DPH6: variants seen among roughly 807,000 people sequenced by gnomAD.
DPH6 encodes diphthine--ammonia ligase.
In DPH6, 33 loss-of-function variants were observed where a neutral mutation model predicts 38.2. The observed-to-expected ratio is 0.86, with a 90% CI of 0.65 to 1.15. The LOEUF (loss-of-function observed/expected upper bound fraction) is 1.15. Among genes scored for constraint, DPH6 ranks in the 50% most tolerant of loss-of-function variants. The pLI is 0.00. For missense variants in DPH6, 325 were observed against 320.0 expected, an observed-to-expected ratio of 1.02 and a Z score of -0.12; for synonymous variants, 108 against 103.0, an observed-to-expected ratio of 1.05 and a Z score of -0.30.
chr15:35,340,841 G>A (rs1233847381), intron 3 of DPH6, among the ~76,000 whole-genome samples: 1 of 152,062 alleles, frequency 6.6e-6, no homozygotes, highest in African/African-American at 2.4e-5. Context: ...TCAAGAATCT[G>A]ATGATTATGT....
intron 6 of DPH6, among the ~76,000 whole-genome samples, chr15:35,407,181 G>C (rs1344104897): frequency 6.6e-6 from 1 of 151,976 alleles, no homozygotes; most frequent in African/African-American, 2.4e-5. Flanking sequence ...GAATTACCTC[G>C]TGCTTGTTTA....
the DPH6 span, among the ~76,000 whole-genome samples, chr15:35,156,247 C>G: frequency 6.6e-6 from 1 of 152,038 alleles, no homozygotes; most frequent in South Asian, 2.1e-4. Flanking sequence ...GAAAGCAGAA[C>G]ATATGAATGA....
At position 35,318,859 on chromosome 15, in the gene DPH6, G is replaced by A. The variant is rs750091401; in HGVS notation, n.200+54662C>T. On this transcript the variant is annotated intron_variant and non_coding_transcript_variant, in intron 3 of 3. Transcript: ENST00000560386. The stretch of plus-strand genomic sequence containing the variant: ...AAATCATATATAAATATATTTTATG[G>A]GATTTTTACATAGGATTGTAATCAA... 4.9e-4 allele frequency among the ~76,000 whole-genome samples: 75 copies of A among 151,982 alleles called. 1 individual carries two copies. The highest frequency in any genetic ancestry group is 9.3e-4 in the Non-Finnish European group (63 of 67,940).
intron 3 of DPH6, among the ~76,000 whole-genome samples, chr15:35,276,703 C>T (rs1680043399): frequency 1.3e-5 from 2 of 151,492 alleles, no homozygotes; most frequent in African/African-American, 4.9e-5. Context: ...CTTTTCCCCA[C>T]TTTATGTTTC....
chr15:35,272,250 A>G (rs2051826838), intron 3 of DPH6, among the ~76,000 whole-genome samples: 1 of 152,220 alleles, frequency 6.6e-6, no homozygotes, highest in Non-Finnish European at 1.5e-5. Flanking sequence ...GAGGATGTAT[A>G]TAGGTTATGT....
At chr15:35,520,937 A>G (rs1595439394) in intron 3 of DPH6, 4 of 985,228 alleles carry the variant, frequency 4.1e-6, no homozygotes, top group Non-Finnish European at 4.8e-6. Context: ...AGAGATTAGC[A>G]CCTTCTCTGA....
At chr15:35,306,225 G>A (rs1236655650) in intron 3 of DPH6, among the ~76,000 whole-genome samples, 1 of 152,114 alleles carries the variant, frequency 6.6e-6, no homozygotes, top group Non-Finnish European at 1.5e-5. Context: ...TGTATCTTTG[G>A]AAGTGAGCTT....
chr15:35,159,879 A>C, the DPH6 span, among the ~76,000 whole-genome samples: 3 of 152,248 alleles, frequency 2.0e-5, no homozygotes, highest in Admixed American at 2.0e-4. Context: ...GCCATAAAAA[A>C]GAAAGTCACA....
chr15:35,317,532 G>A (rs1176267956), intron 3 of DPH6, among the ~76,000 whole-genome samples: 1 of 146,364 alleles, frequency 6.8e-6, no homozygotes, highest in Admixed American at 6.9e-5. Flanking sequence ...ACAAAAGCAT[G>A]TAAAATTTTC....
At position 35,489,285 on chromosome 15, in the gene DPH6, G is replaced by T. The variant is rs955315772; in HGVS notation, c.313-34465C>A. 5 of 969,706 alleles carry T rather than the reference G, an allele frequency of 5.2e-6. No homozygotes were observed. In the African/African-American group the frequency reaches 8.8e-5, roughly 17 times the overall value. 60.1% of individuals were successfully genotyped at this position (969,706 alleles called of 1,614,324 possible). A position where few individuals can be genotyped will look rare whatever the true frequency, so the allele number is the denominator to read the frequency against. ...ATCTGGGAAAACCTGTCTATTCAAA[G>T]AAAATGGAAAGGATAAGCAAAGAGA... On this transcript the variant is annotated intron_variant, in intron 3 of 8. Transcript: ENST00000256538.
chr15:35,448,724 C>T (rs1261911294), intron 5 of DPH6, among the ~76,000 whole-genome samples: 1 of 151,924 alleles, frequency 6.6e-6, no homozygotes, highest in Non-Finnish European at 1.5e-5. Flanking sequence ...CACTATACTA[C>T]AATAAAAATA....
At chr15:35,454,118 C>A (rs926607524) in intron 4 of DPH6, among the ~76,000 whole-genome samples, 2 of 152,016 alleles carry the variant, frequency 1.3e-5, no homozygotes, top group Non-Finnish European at 2.9e-5. Context: ...CCAATATTAT[C>A]ATTTAACCTC....
rs1259545357 is a variant in DPH6, at chr15:35,540,508, CTGCTGATTTTCATCAAGA to C, written c.118+1887_118+1904del. On this transcript the variant is annotated intron_variant, in intron 2 of 8. Transcript: ENST00000256538. ...GAATTGTTCAATAATTCCCAATGTC[CTGCTGATTTTCATCAAGA>C]TGAGCTAAACCATCTCCATCTACCA... 5.3e-5 allele frequency among the ~76,000 whole-genome samples: 8 copies of C among 152,142 alleles called. No homozygotes were observed. In the East Asian group the frequency reaches 1.5e-3, roughly 29 times the overall value.
intron 3 of DPH6, among the ~76,000 whole-genome samples, chr15:35,319,427 T>G (rs992253037): frequency 2.0e-5 from 3 of 152,114 alleles, no homozygotes; most frequent in African/African-American, 7.2e-5. Context: ...GAAGTGACAG[T>G]AGAAAGGTAA....
intron 3 of DPH6, among the ~76,000 whole-genome samples, chr15:35,280,618 T>C (rs1000552307): frequency 1.3e-5 from 2 of 152,232 alleles, no homozygotes; most frequent in Admixed American, 6.5e-5. Context: ...TTTTCATAGC[T>C]ACAGAGAACT....
intron 3 of DPH6, among the ~76,000 whole-genome samples, chr15:35,272,572 T>G (rs1237024312): frequency 6.6e-6 from 1 of 151,976 alleles, no homozygotes; most frequent in African/African-American, 2.4e-5. Context: ...CTCACAATAA[T>G]AAGTAACTTC....
At chr15:35,324,361 G>A (rs1384501999) in intron 3 of DPH6, among the ~76,000 whole-genome samples, 1 of 152,154 alleles carries the variant, frequency 6.6e-6, no homozygotes, top group African/African-American at 2.4e-5. Flanking sequence ...GGAGGAATGG[G>A]AGGGAAAGAT....
chr15:35,356,094 A>G (rs1489458467), intron 3 of DPH6, among the ~76,000 whole-genome samples: 1 of 152,168 alleles, frequency 6.6e-6, no homozygotes, highest in Admixed American at 6.5e-5. Flanking sequence ...AAGCTTGTGT[A>G]TTCGTCACAT....
At chr15:35,408,280 C>T (rs933923767) in intron 6 of DPH6, among the ~76,000 whole-genome samples, 1 of 151,864 alleles carries the variant, frequency 6.6e-6, no homozygotes, top group Non-Finnish European at 1.5e-5. Flanking sequence ...TATATTAGCA[C>T]AATTATCTTG....
Sources: allele counts gnomAD v4.1 joint callset (sites outside exome capture counted in the v4.1 genomes callset), GRCh38; gene constraint gnomAD v4.1.1; transcripts MANE v1.5; gene names NCBI Gene and HGNC (gene_info 2026-07-23, HGNC 2026-07-21).